RGS6: variants seen among roughly 807,000 people sequenced by gnomAD.
The protein encoded by RGS6 is regulator of G-protein signaling 6.
A neutral mutation model predicts 78.5 loss-of-function variants in RGS6; 30 were observed. The observed-to-expected ratio is 0.38, with a 90% CI of 0.29 to 0.52. The LOEUF (loss-of-function observed/expected upper bound fraction) is 0.52. RGS6 is among the 20% of genes least tolerant of loss of function. The pLI, the probability that RGS6 is intolerant of heterozygous loss-of-function variation, is 0.85. For synonymous variants in RGS6, 206 were observed against 206.0 expected (o/e 1.00, Z 0.00); for missense variants, 495 against 609.7 (o/e 0.81, Z 1.98).
chr14:72,188,102 T>G (rs1383455346), intron 2 of RGS6, among the ~76,000 whole-genome samples: 2 of 151,954 alleles, frequency 1.3e-5, no homozygotes. Context: ...TGTTCCTAAG[T>G]GCAAGAAGGC....
chr14:72,003,312 T>C (rs1466269080), intron 2 of RGS6, among the ~76,000 whole-genome samples: 1 of 152,244 alleles, frequency 6.6e-6, no homozygotes, highest in Non-Finnish European at 1.5e-5. Flanking sequence ...TGTTGGTATA[T>C]TATTACTTTG....
At chr14:72,242,839 CTTTTTTTTTTTTTTTT>C (rs35675211) in intron 2 of RGS6, among the ~76,000 whole-genome samples, 2 of 69,134 alleles carry the variant, frequency 2.9e-5, no homozygotes, top group South Asian at 7.5e-4. Flanking sequence ...CATTTCTTTT[CTTTTTTTTTTTTTTTT>C]TTTTTTTTTT....
chr14:72,549,668 C>G (rs533433299), intron 17 of RGS6, among the ~76,000 whole-genome samples: 1 of 152,274 alleles, frequency 6.6e-6, no homozygotes, highest in Admixed American at 6.5e-5. Context: ...TCAAGACCAG[C>G]CTGGTCAACG....
At chr14:72,028,089 T>C (rs1197311791) in intron 2 of RGS6, among the ~76,000 whole-genome samples, 2 of 152,188 alleles carry the variant, frequency 1.3e-5, no homozygotes, top group Non-Finnish European at 2.9e-5. Flanking sequence ...CCTTGCAGTT[T>C]TGTGTGGGCA....
chr14:72,316,232 A>AT (rs960106324), intron 2 of RGS6, among the ~76,000 whole-genome samples: 77 of 151,946 alleles, frequency 5.1e-4, no homozygotes, highest in African/African-American at 1.6e-3. Flanking sequence ...TTGTCTTTTT[A>AT]TTTTTTTTAT....
intron 6 of RGS6, among the ~76,000 whole-genome samples, chr14:72,462,915 T>C (rs1354590183): frequency 2.0e-5 from 3 of 152,218 alleles, no homozygotes; most frequent in Admixed American, 1.3e-4. Context: ...AAGTGAGTTA[T>C]AGGTTCCCTA....
chr14:72,344,855 A>G (rs1328785864), intron 2 of RGS6, among the ~76,000 whole-genome samples: 1 of 152,208 alleles, frequency 6.6e-6, no homozygotes, highest in East Asian at 1.9e-4. Context: ...TATAGGCTGC[A>G]GTGTGGGAAA....
intron 2 of RGS6, among the ~76,000 whole-genome samples, chr14:71,978,897 C>T (rs931985806): frequency 6.9e-6 from 1 of 144,602 alleles, no homozygotes; most frequent in African/African-American, 2.5e-5. Context: ...TGGTCCTGGA[C>T]TCTTTTTGGT....
chr14:72,374,238 C>G (rs1045863811), intron 3 of RGS6, among the ~76,000 whole-genome samples: 34 of 149,988 alleles, frequency 2.3e-4, no homozygotes, highest in African/African-American at 8.1e-4. Flanking sequence ...ATCCCTCCCC[C>G]CTCCCCCCAC....
At chr14:72,579,180 G>T in the RGS6 span, among the ~76,000 whole-genome samples, 1 of 151,956 alleles carries the variant, frequency 6.6e-6, no homozygotes, top group Admixed American at 6.6e-5. Flanking sequence ...CTATCCTAAG[G>T]AGAAGGGATG....
the RGS6 span, among the ~76,000 whole-genome samples, chr14:72,579,717 T>G: frequency 1.3e-5 from 2 of 152,206 alleles, no homozygotes; most frequent in Non-Finnish European, 2.9e-5. Context: ...GTGTTGGCCC[T>G]GATCACAAGG....
intron 2 of RGS6, among the ~76,000 whole-genome samples, chr14:72,299,445 G>C (rs530745697): frequency 6.6e-6 from 1 of 152,232 alleles, no homozygotes; most frequent in African/African-American, 2.4e-5. Flanking sequence ...TAACATTCAT[G>C]TACAAATGTT....
intron 17 of RGS6, among the ~76,000 whole-genome samples, chr14:72,548,999 C>T (rs573411121): frequency 6.6e-6 from 1 of 152,220 alleles, no homozygotes; most frequent in East Asian, 1.9e-4. Flanking sequence ...CTATGCTGCC[C>T]CAAATACTTG....
intron 2 of RGS6, among the ~76,000 whole-genome samples, chr14:72,047,057 A>T (rs2092904550): frequency 6.6e-6 from 1 of 152,188 alleles, no homozygotes; most frequent in Admixed American, 6.5e-5. Flanking sequence ...TCTTTATAGT[A>T]GATGCTTCTA....
At chr14:71,897,820 C>A in the RGS6 span, among the ~76,000 whole-genome samples, 1 of 152,082 alleles carries the variant, frequency 6.6e-6, no homozygotes, top group Admixed American at 6.5e-5. Context: ...CGCCCGGCCC[C>A]ATGGATTTTG....
chr14:72,623,698 C>T, the RGS6 span, among the ~76,000 whole-genome samples: 1 of 152,174 alleles, frequency 6.6e-6, no homozygotes. Flanking sequence ...CTGGATGCAT[C>T]AGTATAAATT....
intron 13 of RGS6, among the ~76,000 whole-genome samples, chr14:72,508,890 T>A (rs1262738315): frequency 1.3e-5 from 2 of 152,034 alleles, no homozygotes; most frequent in Non-Finnish European, 2.9e-5. Flanking sequence ...GACTTGTGAG[T>A]TAGGACCTTA....
intron 3 of RGS6, among the ~76,000 whole-genome samples, chr14:72,439,962 G>A (rs2095117864): frequency 1.3e-5 from 2 of 152,142 alleles, no homozygotes; most frequent in African/African-American, 2.4e-5. Context: ...TGTTGCTCTA[G>A]CCGCAGGCTG....
intron 3 of RGS6, among the ~76,000 whole-genome samples, chr14:72,411,483 T>A (rs905535504): frequency 6.6e-6 from 1 of 152,196 alleles, no homozygotes; most frequent in African/African-American, 2.4e-5. Context: ...TGATGGGGTT[T>A]TCTAGATATA....
Sources: gnomAD v4.1 joint callset for allele counts (sites outside exome capture counted in the v4.1 genomes callset) on GRCh38, gnomAD v4.1.1 for gene constraint, MANE v1.5 for transcripts, NCBI Gene and HGNC (gene_info 2026-07-23, HGNC 2026-07-21) for gene names.